Variants in TMEM108 observed in about 807,000 individuals in gnomAD.
The protein encoded by TMEM108 is cancer/testis antigen 124.
Under a neutral mutation model 35.1 loss-of-function variants are expected in TMEM108, and 12 were observed. The observed-to-expected ratio is 0.34, with a 90% CI of 0.22 to 0.55. The LOEUF (loss-of-function observed/expected upper bound fraction) is 0.55, where lower values mean the gene tolerates loss of function less well. Among genes scored for constraint, TMEM108 ranks in the 20% least tolerant of loss-of-function variants. The pLI, the probability that TMEM108 is intolerant of heterozygous loss-of-function variation, is 0.89. For missense variants in TMEM108, 680 were observed against 753.3 expected (o/e 0.90, Z 1.14); for synonymous variants, 287 against 308.6 (o/e 0.93, Z 0.73).
intron 3 of TMEM108, among the ~76,000 whole-genome samples, chr3:133,354,764 G>C (rs1302748020): frequency 6.6e-6 from 1 of 151,824 alleles, no homozygotes; most frequent in Non-Finnish European, 1.5e-5. Flanking sequence ...ACTGGTAGCA[G>C]AAGCTTGTCA....
chr3:133,112,923 A>T lies in TMEM108; in HGVS notation c.-47+66903A>T, dbSNP rs78428527. On this transcript the variant is annotated intron_variant, in intron 2 of 5. Transcript: ENST00000321871. ...AAAATGGGCTTAGTGGCACACATTT[A>T]AAAACTTTGTCAATAAACATTAAAA... Among the ~76,000 whole-genome samples, 223 of 152,342 alleles carry T rather than the reference A, an allele frequency of 1.5e-3. 5 individuals are homozygous for T. In the East Asian group the frequency reaches 0.041, roughly 28 times the overall value.
intron 2 of TMEM108, among the ~76,000 whole-genome samples, chr3:133,187,540 A>T (rs780901586): frequency 6.6e-6 from 1 of 152,238 alleles, no homozygotes; most frequent in African/African-American, 2.4e-5. Context: ...ACTTGAGGTC[A>T]GTAGTTCAAG....
At chr3:133,181,325 T>C (rs1050068571) in intron 2 of TMEM108, among the ~76,000 whole-genome samples, 10 of 152,174 alleles carry the variant, frequency 6.6e-5, no homozygotes, top group African/African-American at 4.8e-5. Context: ...ATCTTCATCA[T>C]AGGAAAAGAG....
chr3:133,379,993 G>T lies in TMEM108; in HGVS notation c.282G>T (p.Thr94=), dbSNP rs373857528. ...PTPRAEGHPP[T]HTISTIAATV... ...CCCGTGCAGAGGGGCACCCTCCTAC[G>T]CACACCATCTCCACCATCGCTGCGA... The change falls in exon 4 of 6, where the codon ACG becomes ACT. Residue 94 remains threonine (T), a synonymous_variant. Transcript: ENST00000321871. 4 of 1,613,448 alleles carry T rather than the reference G, an allele frequency of 2.5e-6. No homozygotes were observed. The South Asian group carries it at 3.3e-5, about 13-fold the overall frequency.
chr3:133,322,784 C>T (rs772741770), intron 3 of TMEM108, among the ~76,000 whole-genome samples: 1 of 152,074 alleles, frequency 6.6e-6, no homozygotes, highest in Non-Finnish European at 1.5e-5. Context: ...TACTAGCTAA[C>T]CAAATCAAAC....
chr3:133,199,655 C>T (rs1945631030), intron 2 of TMEM108, among the ~76,000 whole-genome samples: 1 of 152,160 alleles, frequency 6.6e-6, no homozygotes, highest in African/African-American at 2.4e-5. Flanking sequence ...GAAGCTTCGT[C>T]TCAGAGGGGC....
chr3:133,301,279 G>A (rs747405448), intron 3 of TMEM108, among the ~76,000 whole-genome samples: 1 of 152,154 alleles, frequency 6.6e-6, no homozygotes, highest in Non-Finnish European at 1.5e-5. Context: ...TACAACAGCA[G>A]CATGTATTCC....
At chr3:133,124,218 C>T (rs1944387751) in intron 2 of TMEM108, among the ~76,000 whole-genome samples, 1 of 152,094 alleles carries the variant, frequency 6.6e-6, no homozygotes, top group African/African-American at 2.4e-5. Flanking sequence ...CGTGTTGTTT[C>T]CTGATACCAA....
intron 3 of TMEM108, among the ~76,000 whole-genome samples, chr3:133,343,363 G>A (rs1298380672): frequency 1.3e-5 from 2 of 151,806 alleles, no homozygotes; most frequent in Non-Finnish European, 2.9e-5. Context: ...CTCACTGTTT[G>A]GTGTTTATCC....
chr3:133,078,532 C>T (rs910535971), intron 2 of TMEM108, among the ~76,000 whole-genome samples: 3 of 152,128 alleles, frequency 2.0e-5, no homozygotes, highest in Non-Finnish European at 2.9e-5. Context: ...GAACAAGTTA[C>T]AAGGCTGTAA....
At chr3:133,310,154 A>C (rs1361854133) in intron 3 of TMEM108, among the ~76,000 whole-genome samples, 2 of 152,188 alleles carry the variant, frequency 1.3e-5, no homozygotes, top group African/African-American at 2.4e-5. Flanking sequence ...AGTGTGATGT[A>C]GTGCTGAGAA....
At chr3:133,048,977 T>A (rs1943371617) in intron 2 of TMEM108, among the ~76,000 whole-genome samples, 1 of 152,158 alleles carries the variant, frequency 6.6e-6, no homozygotes, top group Non-Finnish European at 1.5e-5. Context: ...ACAAACCTAT[T>A]AAATCAAAAT....
chr3:133,108,613 C>G (rs1356112793), intron 2 of TMEM108, among the ~76,000 whole-genome samples: 6 of 152,006 alleles, frequency 3.9e-5, no homozygotes, highest in Non-Finnish European at 7.4e-5. Context: ...TGCAGAAGCT[C>G]TTTAGTTTAA....
chr3:133,243,552 G>A (rs958208576), intron 3 of TMEM108, among the ~76,000 whole-genome samples: 19 of 151,488 alleles, frequency 1.3e-4, no homozygotes, highest in African/African-American at 4.6e-4. Flanking sequence ...ACGGAGTCTC[G>A]TTCTGTCACC....
intron 3 of TMEM108, among the ~76,000 whole-genome samples, chr3:133,260,133 G>T (rs1946603885): frequency 6.6e-6 from 1 of 152,164 alleles, no homozygotes. Context: ...TTGTAAAGCT[G>T]CTCACCTGTG....
intron 3 of TMEM108, among the ~76,000 whole-genome samples, chr3:133,296,130 A>G (rs1168838576): frequency 1.3e-5 from 2 of 152,228 alleles, no homozygotes; most frequent in East Asian, 3.8e-4. Context: ...TAGTTCAAAC[A>G]TTAGGAAAAG....
chr3:133,105,607 G>A (rs1338564903), intron 2 of TMEM108, among the ~76,000 whole-genome samples: 1 of 149,998 alleles, frequency 6.7e-6, no homozygotes, highest in African/African-American at 2.4e-5. Context: ...CAAGCAACAG[G>A]AAACCTTGGG....
chr3:133,057,065 G>A (rs1158944103), intron 2 of TMEM108, among the ~76,000 whole-genome samples: 1 of 152,084 alleles, frequency 6.6e-6, no homozygotes, highest in African/African-American at 2.4e-5. Flanking sequence ...ATTATAACAT[G>A]TTTAGCATGA....
intron 3 of TMEM108, among the ~76,000 whole-genome samples, chr3:133,376,870 G>C (rs1559938280): frequency 6.6e-6 from 1 of 152,188 alleles, no homozygotes. Flanking sequence ...GTATTAGTTT[G>C]CTAGGGCTTC....
Sources: allele counts gnomAD v4.1 joint callset (sites outside exome capture counted in the v4.1 genomes callset), GRCh38; gene constraint gnomAD v4.1.1; transcripts MANE v1.5; gene names NCBI Gene and HGNC (gene_info 2026-07-23, HGNC 2026-07-21).